Variants in TMCC2 observed in about 807,000 individuals in gnomAD.
TMCC2 encodes transmembrane and coiled-coil domain family 2, also known as transmembrane and coiled-coil domains protein 2.
A neutral mutation model predicts 49.4 loss-of-function variants in TMCC2; 16 were observed. The ratio of observed to expected loss-of-function variants is 0.32; its 90% CI spans 0.22 to 0.49. TMCC2 has a LOEUF of 0.49. Ranked by LOEUF, TMCC2 falls within the 20% of genes least tolerant of loss-of-function variation. The pLI is 0.99. For missense variants in TMCC2, 762 were observed against 989.8 expected (o/e 0.77, Z 3.09); for synonymous variants, 397 against 434.1 (o/e 0.91, Z 1.06).
Position 205,228,503 on chromosome 1 carries a change from T to C in TMCC2, c.-62T>C. ...GGCCTCATATGAATATAAGAGGGGGTGCGGTCTTCCCCAAGACGGCGCGCT... is the reference window on the plus strand; with the variant it reads ...GGCCTCATATGAATATAAGAGGGGGCGCGGTCTTCCCCAAGACGGCGCGCT... On this transcript the variant is annotated 5_prime_UTR_variant, in exon 1 of 5. Coordinates refer to ENST00000358024, the MANE Select transcript of TMCC2 (RefSeq NM_014858.4). 7.0e-7 allele frequency: 1 copy of C among 1,438,600 alleles called. No individual in the cohort carries two copies. Among genetic ancestry groups the C allele is most frequent in the Non-Finnish European group, 9.5e-7 (1 of 1,050,100 alleles). 89.1% of individuals were successfully genotyped at this position (1,438,600 alleles called of 1,614,324 possible). A position where few individuals can be genotyped will look rare whatever the true frequency, so the allele number is the denominator to read the frequency against.
chr1:205,228,826 C>T (rs1659668708), intron 1 of TMCC2, 55 bp downstream of exon 1: 8 of 1,532,684 alleles, frequency 5.2e-6, no homozygotes, highest in Non-Finnish European at 7.0e-6. Flanking sequence ...CTCTCGCCAC[C>T]CCACGCAGAA....
intron 4 of TMCC2, 74 bp from the exon 5 acceptor site, chr1:205,271,739 G>T: frequency 6.5e-7 from 1 of 1,538,000 alleles, no homozygotes; most frequent in East Asian, 2.3e-5. Context: ...CCTTCTCAGT[G>T]GGGTAGGTAG....
At chr1:205,262,209 CAA>C (rs886730183) in intron 2 of TMCC2, among the ~76,000 whole-genome samples, 5 of 152,244 alleles carry the variant, frequency 3.3e-5, no homozygotes, top group Non-Finnish European at 5.9e-5. Flanking sequence ...GGAAGGAGAG[CAA>C]AGTGATGTTC....
intron 2 of TMCC2, among the ~76,000 whole-genome samples, chr1:205,250,482 A>C (rs1660624784): frequency 6.6e-6 from 1 of 152,174 alleles, no homozygotes; most frequent in Non-Finnish European, 1.5e-5. Flanking sequence ...TGAAGATTGC[A>C]GTGAGCTGAG....
At chr1:205,231,506 A>T (rs1332801501) in intron 1 of TMCC2, among the ~76,000 whole-genome samples, 1 of 152,080 alleles carries the variant, frequency 6.6e-6, no homozygotes, top group African/African-American at 2.4e-5. Context: ...TATATTGCCT[A>T]GGCTGGTCTT....
At chr1:205,257,355 G>T (rs1468791134) in intron 2 of TMCC2, 9 of 1,232,174 alleles carry the variant, frequency 7.3e-6, no homozygotes, top group Non-Finnish European at 9.1e-6. Flanking sequence ...TCGGGAAACA[G>T]TGCCCACACA....
intron 2 of TMCC2, among the ~76,000 whole-genome samples, chr1:205,253,733 C>T (rs1660756860): frequency 6.6e-6 from 1 of 152,234 alleles, no homozygotes; most frequent in Admixed American, 6.5e-5. Context: ...CCAGGTGTGC[C>T]TGCAACTCTC....
chr1:205,272,525 C>A lies in TMCC2; in HGVS notation c.*401C>A. ...AAAGAGCCCACCTCGGAGATAGCTACGGTTTTCTCTGGTGGAGATGGTGAG... is the reference window on the plus strand; with the variant it reads ...AAAGAGCCCACCTCGGAGATAGCTAAGGTTTTCTCTGGTGGAGATGGTGAG... On this transcript the variant is annotated 3_prime_UTR_variant, in exon 5 of 5. Coordinates refer to ENST00000358024, the MANE Select transcript of TMCC2 (RefSeq NM_014858.4). The A allele has an allele frequency of 4.7e-6, 1 of 214,906 alleles. No homozygotes were observed. Among genetic ancestry groups the A allele is most frequent in the Non-Finnish European group, 9.4e-6 (1 of 106,802 alleles). The allele number at this position is 214,906 out of a possible 1,614,324, so 13.3% of individuals were successfully genotyped here. A position where few individuals can be genotyped will look rare whatever the true frequency, so the allele number is the denominator to read the frequency against.
intron 2 of TMCC2, among the ~76,000 whole-genome samples, chr1:205,242,774 G>A (rs1660322362): frequency 6.6e-6 from 1 of 152,218 alleles, no homozygotes; most frequent in South Asian, 2.1e-4. Context: ...GAGGGGACTT[G>A]AGGAGAGAGC....
At chr1:205,244,974 A>G (rs923969065) in intron 2 of TMCC2, among the ~76,000 whole-genome samples, 2 of 152,188 alleles carry the variant, frequency 1.3e-5, no homozygotes, top group Non-Finnish European at 2.9e-5. Flanking sequence ...ATAGAGCATG[A>G]CAGACAAGGA....
At chr1:205,236,703 T>G (rs1425213154) in intron 1 of TMCC2, 1 of 152,114 alleles carries the variant, frequency 6.6e-6, no homozygotes, top group Non-Finnish European at 1.5e-5. Context: ...AATTGCAAAA[T>G]GAGTGGTGCA....
At chr1:205,232,566 C>G (rs547300154) in intron 1 of TMCC2, among the ~76,000 whole-genome samples, 1 of 152,128 alleles carries the variant, frequency 6.6e-6, no homozygotes, top group Non-Finnish European at 1.5e-5. Flanking sequence ...AAACCCAGTT[C>G]CATTGCATAT....
chr1:205,228,663 C>T lies in TMCC2; in HGVS notation c.99C>T (p.Leu33=), dbSNP rs1248298464. 1.2e-6 allele frequency: 2 copies of T among 1,613,076 alleles called. No homozygotes were observed. The highest frequency in any genetic ancestry group is 1.1e-5 in the South Asian group (1 of 91,066). The change falls in exon 1 of 5, where the codon CTC becomes CTT. Residue 33 remains leucine, a synonymous_variant. Transcript: ENST00000358024. ...CTTCCCACCTGCCGGGCGCGGACCTCCGGCCTGGGGAGACCACGGGTGCTA... is the reference window on the plus strand; with the variant it reads ...CTTCCCACCTGCCGGGCGCGGACCTTCGGCCTGGGGAGACCACGGGTGCTA... ...DAASHLPGAD[L]RPGETTGANS...
At chr1:205,232,725 A>G (rs957133499) in intron 1 of TMCC2, among the ~76,000 whole-genome samples, 1 of 152,080 alleles carries the variant, frequency 6.6e-6, no homozygotes, top group African/African-American at 2.4e-5. Flanking sequence ...ACTTGAGGCC[A>G]GGAGTTTGAG....
intron 2 of TMCC2, among the ~76,000 whole-genome samples, chr1:205,261,490 G>A (rs1243888073): frequency 1.3e-5 from 2 of 151,896 alleles, no homozygotes; most frequent in Non-Finnish European, 2.9e-5. Flanking sequence ...GGTGTGAGCC[G>A]CTGTGTGCAG....
In TMCC2 at chr1:205,228,493, T is replaced by A; in HGVS notation, c.-72T>A. ...TTAGACCCCAGGCCTCATATGAATATAAGAGGGGGTGCGGTCTTCCCCAAG... is the reference window on the plus strand; with the variant it reads ...TTAGACCCCAGGCCTCATATGAATAAAAGAGGGGGTGCGGTCTTCCCCAAG... On this transcript the variant is annotated 5_prime_UTR_variant, in exon 1 of 5. Transcript: ENST00000358024. The A allele has an allele frequency of 1.5e-6, 2 of 1,349,946 alleles. No individual in the cohort carries two copies. The highest frequency in any genetic ancestry group is 2.7e-5 in the South Asian group (2 of 75,228). 83.6% of individuals were successfully genotyped at this position (1,349,946 alleles called of 1,614,324 possible). A position where few individuals can be genotyped will look rare whatever the true frequency, so the allele number is the denominator to read the frequency against.
At chr1:205,259,772 G>T (rs1346626624) in intron 2 of TMCC2, among the ~76,000 whole-genome samples, 1 of 152,206 alleles carries the variant, frequency 6.6e-6, no homozygotes, top group Non-Finnish European at 1.5e-5. Context: ...TTATAATCTG[G>T]CAGAGAGCCT....
In TMCC2 at chr1:205,269,326, A is replaced by G. The variant is rs547302947; in HGVS notation, c.1124A>G (p.Asp375Gly). 2.5e-6 allele frequency: 4 copies of G among 1,613,314 alleles called. No homozygotes were observed. The East Asian group carries it at 8.9e-5, about 36-fold the overall frequency. ...EQNGPSRQPKDVLRDMQQGLK... is the reference protein window; with the variant it reads ...EQNGPSRQPKGVLRDMQQGLK... ...AACGGGCCCTCGCGGCAGCCCAAGG[A>G]CGTGCTGCGGGACATGCAGCAGGGG... The change falls in exon 3 of 5, where the codon GAC becomes GGC. Residue 375 changes from aspartate to glycine, a missense_variant. By Grantham distance (94) the Asp-to-Gly change is moderately conservative. Around this residue, in one of 2 missense-constraint regions of TMCC2, gnomAD observed 440 missense variants for 636.7 expected, o/e 0.69. Transcript: ENST00000358024.
rs11240397 is a variant in TMCC2 at position 205,242,054 on chromosome 1, G to A, written c.747+10G>A. 3,942 of 1,560,358 alleles carry A rather than the reference G, an allele frequency of 2.5e-3. 88 individuals are homozygous for A. In the African/African-American group the frequency reaches 0.048, roughly 19 times the overall value. On this transcript the variant is annotated intron_variant, in intron 2 of 4. Transcript: ENST00000358024. ...AGGCATCGGGGACAAGGTGAGATGG[G>A]CCTTCTGGGGCAGGGGGAGACTCAG...
Sources: gnomAD v4.1 joint callset for allele counts (sites outside exome capture counted in the v4.1 genomes callset) on GRCh38, gnomAD v4.1.1 for gene constraint, gnomAD v4.1.1 regional missense constraint, MANE v1.5 for transcripts, NCBI Gene and HGNC (gene_info 2026-07-23, HGNC 2026-07-21) for gene names.